Variants in CAPN13 observed in about 807,000 individuals in gnomAD.
CAPN13 encodes the protein calpain-13.
CAPN13 carries 90 observed loss-of-function variants against 98.4 expected under a neutral mutation model. The ratio of observed to expected loss-of-function variants is 0.92; its 90% CI spans 0.77 to 1.09. CAPN13 has a LOEUF of 1.09. Ranked by LOEUF, CAPN13 falls within the 50% of genes least tolerant of loss-of-function variation. The pLI is 0.00. For missense variants in CAPN13, 887 were observed against 841.3 expected (o/e 1.05, Z -0.67); for synonymous variants, 330 against 305.5 (o/e 1.08, Z -0.84).
Position 30,787,138 on chromosome 2 carries a change from T to C in CAPN13, c.188A>G (p.Lys63Arg). 1.3e-6 allele frequency: 2 copies of C among 1,565,612 alleles called. No individual in the cohort carries two copies. Among genetic ancestry groups the C allele is most frequent in the Non-Finnish European group, 1.7e-6 (2 of 1,155,300 alleles). Residue 63 changes from lysine (K) to arginine (R), a missense_variant, in exon 2 of 23, where the codon AAG becomes AGG. By Grantham distance (26) the Lys-to-Arg change is conservative. Coordinates refer to ENST00000295055, the MANE Select transcript of CAPN13 (RefSeq NM_144575.3). ...QEKRLSNVIW[K>R]RPQDLPGGPP... is the part of the protein sequence containing the mutation. ...GTGGGGCTCACTCACCTGTGGCCGCTTCCATATCACATTGGAGAGGCGTTT... is the reference window on the plus strand; with the variant it reads ...GTGGGGCTCACTCACCTGTGGCCGCCTCCATATCACATTGGAGAGGCGTTT...
chr2:30,773,207 C>G (rs979921881), intron 4 of CAPN13, among the ~76,000 whole-genome samples: 1 of 152,186 alleles, frequency 6.6e-6, no homozygotes, highest in Non-Finnish European at 1.5e-5. Context: ...TGAGATTTTT[C>G]TTCTGCAGCA....
chr2:30,760,524 C>T (rs770526379), intron 7 of CAPN13, among the ~76,000 whole-genome samples: 3 of 152,134 alleles, frequency 2.0e-5, no homozygotes, highest in Non-Finnish European at 4.4e-5. Flanking sequence ...ACCCCTATGC[C>T]CAGGGGAATC....
intron 1 of CAPN13, among the ~76,000 whole-genome samples, chr2:30,796,251 TAC>T (rs200499354): frequency 0.021 from 3,202 of 149,096 alleles, 113 homozygotes; most frequent in African/African-American, 0.075. Flanking sequence ...CATATATATA[TAC>T]GTATATATAT....
intron 1 of CAPN13, among the ~76,000 whole-genome samples, chr2:30,805,071 G>A (rs1320133660): frequency 2.0e-5 from 3 of 152,146 alleles, no homozygotes; most frequent in Non-Finnish European, 4.4e-5. Context: ...GGACTCAGAT[G>A]AGGTGCCAAG....
chr2:30,753,346 T>G, intron 9 of CAPN13, 148 bp from the exon 10 acceptor site: 1 of 807,248 alleles, frequency 1.2e-6, no homozygotes, highest in Non-Finnish European at 1.9e-6. Flanking sequence ...TTCTATCTTT[T>G]CAGTCCTTCT....
At chr2:30,784,807 G>A (rs902666574) in intron 2 of CAPN13, among the ~76,000 whole-genome samples, 67 of 152,294 alleles carry the variant, frequency 4.4e-4, no homozygotes, top group Admixed American at 2.4e-3. Flanking sequence ...TGCAAAATGA[G>A]GCTCACAACA....
chr2:30,756,144 G>C (rs770142353), intron 8 of CAPN13, among the ~76,000 whole-genome samples: 1 of 151,804 alleles, frequency 6.6e-6, no homozygotes, highest in Non-Finnish European at 1.5e-5. Flanking sequence ...CAAACATCAC[G>C]GCCATGTTCA....
chr2:30,753,146 C>T lies in CAPN13; in HGVS notation c.994G>A (p.Glu332Lys), dbSNP rs373913163. ...CCATGGTCCAGGGTAATTGGAATTTCGCTACATATAAACATGGCGATGAAT... is the reference window on the plus strand; with the variant it reads ...CCATGGTCCAGGGTAATTGGAATTTTGCTACATATAAACATGGCGATGAAT... ...QKFIAMFICS[E>K]IPITLDHGNT... Residue 332 changes from glutamate to lysine, a missense_variant, in exon 10 of 23, where the codon GAA becomes AAA. Coordinates refer to ENST00000295055, the MANE Select transcript of CAPN13 (RefSeq NM_144575.3). 13 of 1,613,900 alleles carry T rather than the reference C, an allele frequency of 8.1e-6. No individual in the cohort carries two copies. The African/African-American group carries it at 9.3e-5, about 12-fold the overall frequency.
chr2:30,735,740 A>G (rs886464734), intron 18 of CAPN13, among the ~76,000 whole-genome samples: 1 of 152,178 alleles, frequency 6.6e-6, no homozygotes, highest in East Asian at 1.9e-4. Flanking sequence ...GCCTTTAAAC[A>G]TGTTATGAAA....
chr2:30,766,634 G>T (rs1403008944), intron 5 of CAPN13, among the ~76,000 whole-genome samples: 2 of 152,150 alleles, frequency 1.3e-5, no homozygotes, highest in African/African-American at 4.8e-5. Flanking sequence ...AGACAGCCTT[G>T]TCCCCATCCC....
intron 1 of CAPN13, among the ~76,000 whole-genome samples, chr2:30,805,891 G>A (rs1327172191): frequency 6.6e-6 from 1 of 151,728 alleles, no homozygotes; most frequent in African/African-American, 2.4e-5. Flanking sequence ...CCAATAGCTG[G>A]GACTACAGGT....
At chr2:30,804,802 C>T (rs1463196612) in intron 1 of CAPN13, among the ~76,000 whole-genome samples, 2 of 152,208 alleles carry the variant, frequency 1.3e-5, no homozygotes, top group African/African-American at 2.4e-5. Flanking sequence ...CTCAACCTGA[C>T]TTCTTCCAAA....
Position 30,758,151 on chromosome 2 carries a change from A to G in CAPN13, c.775-14T>C. 1 of 1,575,736 alleles carries G rather than the reference A, an allele frequency of 6.3e-7. No homozygotes were observed. Among genetic ancestry groups the G allele is most frequent in the African/African-American group, 1.4e-5 (1 of 73,610 alleles). The stretch of plus-strand genomic sequence containing the variant: ...TCGGTATTGAATCTGTAAAGAAAAC[A>G]GAAAAGGAAACTCAGTGCTCTACAG... On this transcript the variant is annotated splice_polypyrimidine_tract_variant and intron_variant, in intron 7 of 22. Coordinates refer to ENST00000295055, the MANE Select transcript of CAPN13 (RefSeq NM_144575.3).
At chr2:30,801,553 C>T (rs996606822) in intron 1 of CAPN13, among the ~76,000 whole-genome samples, 1 of 143,282 alleles carries the variant, frequency 7.0e-6, no homozygotes, top group South Asian at 2.2e-4. Flanking sequence ...TGCAGTGAGC[C>T]AAGATCATGC....
At chr2:30,759,757 C>T (rs1291461175) in intron 7 of CAPN13, among the ~76,000 whole-genome samples, 2 of 152,156 alleles carry the variant, frequency 1.3e-5, no homozygotes, top group Non-Finnish European at 2.9e-5. Context: ...AGTCCGGGCT[C>T]CTAGTTTTGG....
At chr2:30,758,224 A>G in intron 7 of CAPN13, 87 bp from the exon 8 acceptor site, 1 of 983,686 alleles carries the variant, frequency 1.0e-6, no homozygotes, top group Non-Finnish European at 1.5e-6. Flanking sequence ...TTTACCTCCA[A>G]GGACCAATTT....
At chr2:30,762,837 A>G (rs1672915571) in intron 7 of CAPN13, among the ~76,000 whole-genome samples, 2 of 152,236 alleles carry the variant, frequency 1.3e-5, no homozygotes, top group African/African-American at 2.4e-5. Context: ...GAGCTGTCTG[A>G]GATCAGCAAC....
intron 19 of CAPN13, among the ~76,000 whole-genome samples, chr2:30,734,162 G>C (rs1671237071): frequency 6.6e-6 from 1 of 152,140 alleles, no homozygotes; most frequent in South Asian, 2.1e-4. Flanking sequence ...ATTCCTGATA[G>C]GGTATCAATC....
chr2:30,751,072 C>T (rs1310447259), intron 11 of CAPN13, 31 bp downstream of exon 11: 3 of 1,608,902 alleles, frequency 1.9e-6, no homozygotes, highest in Admixed American at 1.7e-5. Context: ...TAAATTTCTA[C>T]AAGGGAAAGC....
Sources: gnomAD v4.1 joint callset for allele counts (sites outside exome capture counted in the v4.1 genomes callset) on GRCh38, gnomAD v4.1.1 for gene constraint, MANE v1.5 for transcripts, NCBI Gene and HGNC (gene_info 2026-07-23, HGNC 2026-07-21) for gene names.